The following NAV2 variants were observed in gnomAD, a reference collection of about 807,000 sequenced individuals.
NAV2 encodes helicase, APC down-regulated 1.
Under a neutral mutation model 223.2 loss-of-function variants are expected in NAV2, and 54 were observed. That is an observed-to-expected ratio of 0.24 (90% CI 0.19 to 0.30). The LOEUF is 0.30. Ranked by LOEUF, NAV2 falls within the 10% of genes least tolerant of loss-of-function variation. The probability of loss-of-function intolerance (pLI) is 1.00; values close to 1 mark genes in which losing one functional copy is unlikely to be tolerated. For synonymous variants in NAV2, 1,279 were observed against 1,239.3 expected (o/e 1.03, Z -0.67); for missense variants, 2,806 against 3,147.5 (o/e 0.89, Z 2.60).
At chr11:19,561,236 C>A (rs951103828) in intron 1 of NAV2, among the ~76,000 whole-genome samples, 1 of 152,194 alleles carries the variant, frequency 6.6e-6, no homozygotes, top group Non-Finnish European at 1.5e-5. Context: ...ATGACTAATT[C>A]TGTTCACATG....
At chr11:19,580,076 T>C (rs1196454346) in intron 1 of NAV2, among the ~76,000 whole-genome samples, 2 of 152,182 alleles carry the variant, frequency 1.3e-5, no homozygotes, top group African/African-American at 4.8e-5. Flanking sequence ...GCTCTATGAA[T>C]GGGATATATT....
At position 20,118,304 on chromosome 11, in the gene NAV2, C is replaced by T; in HGVS notation, c.*46C>T. 1 of 1,603,810 alleles carries T rather than the reference C, an allele frequency of 6.2e-7. No homozygotes were observed. Among genetic ancestry groups the T allele is most frequent in the Non-Finnish European group, 8.5e-7 (1 of 1,175,334 alleles). On this transcript the variant is annotated 3_prime_UTR_variant, in exon 38 of 38. Transcript: ENST00000349880. ...CCCTCCTCTTCTCCTCACCGCATTC[C>T]ACCTGCATCCCCCACATCACCCTGA...
intron 1 of NAV2, among the ~76,000 whole-genome samples, chr11:19,773,168 C>A (rs2055858272): frequency 6.6e-6 from 1 of 152,174 alleles, no homozygotes; most frequent in Non-Finnish European, 1.5e-5. Context: ...AGATATTTAT[C>A]ATGTGGCTGC....
At chr11:19,908,780 G>A (rs1021609098) in intron 6 of NAV2, among the ~76,000 whole-genome samples, 1 of 151,972 alleles carries the variant, frequency 6.6e-6, no homozygotes, top group Non-Finnish European at 1.5e-5. Flanking sequence ...GCCAAATATT[G>A]TATGATTCCG....
intron 1 of NAV2, among the ~76,000 whole-genome samples, chr11:19,589,468 G>A (rs1199164364): frequency 6.6e-6 from 1 of 152,192 alleles, no homozygotes; most frequent in Non-Finnish European, 1.5e-5. Context: ...GGTCAGGAAG[G>A]TCAGGGCCCT....
chr11:19,443,873 A>G lies in NAV2; in HGVS notation c.75+92846A>G, dbSNP rs187783641. Among the ~76,000 whole-genome samples the G allele has an allele frequency of 2.6e-5, 4 of 152,358 alleles. No homozygotes were observed. In the East Asian group the frequency reaches 5.8e-4, roughly 22 times the overall value. On this transcript the variant is annotated intron_variant, in intron 1 of 37. Coordinates refer to the NAV2 transcript ENST00000360655. The stretch of plus-strand genomic sequence containing the variant: ...GTATCAAGTACTTAGCACAGAGCCT[A>G]GTATAGATGCGTAGTGAGTGTTCAA...
At chr11:19,618,477 T>G (rs11025199) in intron 1 of NAV2, among the ~76,000 whole-genome samples, 142,166 of 148,476 alleles carry the variant, frequency 0.96, 68,130 homozygotes, top group Middle Eastern at 1. Context: ...TGAATGGCTA[T>G]ATGGCTGTCT....
At chr11:19,495,657 C>T (rs1177135110) in intron 1 of NAV2, among the ~76,000 whole-genome samples, 4 of 152,048 alleles carry the variant, frequency 2.6e-5, no homozygotes, top group African/African-American at 9.7e-5. Context: ...TATATCTGCT[C>T]TTATAAAGCC....
intron 1 of NAV2, among the ~76,000 whole-genome samples, chr11:19,418,697 C>A (rs899838441): frequency 6.6e-6 from 1 of 152,136 alleles, no homozygotes; most frequent in Non-Finnish European, 1.5e-5. Flanking sequence ...GCAGCCAGAT[C>A]ATAGAAGGTT....
rs568573638 is a variant in NAV2 at position 19,808,370 on chromosome 11, C to A, written c.268-24114C>A. Among the ~76,000 whole-genome samples the A allele has an allele frequency of 9.2e-5, 14 of 152,298 alleles. No individual in the cohort carries two copies. The East Asian group carries it at 2.5e-3, about 27-fold the overall frequency. On this transcript the variant is annotated intron_variant, in intron 1 of 37. Transcript: ENST00000349880. ...CACCAAGGAAAGGTCCCATTGAGAA[C>A]TGAGCACAAAAGCGGGGTCACAAGA...
Position 20,107,695 on chromosome 11 carries a change from T to C in NAV2, c.6873T>C (p.Asp2291=). 1.2e-6 allele frequency: 2 copies of C among 1,614,172 alleles called. No individual in the cohort carries two copies. Among genetic ancestry groups the C allele is most frequent in the African/African-American group, 1.3e-5 (1 of 75,048 alleles). The change falls in exon 36 of 38, where the codon GAT becomes GAC. Residue 2291 remains aspartate, a synonymous_variant. Coordinates refer to ENST00000349880, the MANE Select transcript of NAV2 (RefSeq NM_145117.5). The part of the protein sequence containing the change: ...GPRLFLSCPI[D]VDGSRVWFTD... ...GGCTCTTCCTGTCATGCCCCATCGA[T>C]GTGGACGGCTCGAGAGTGTGGTTCA...
chr11:19,478,339 C>T (rs1354968864), intron 1 of NAV2, among the ~76,000 whole-genome samples: 1 of 151,998 alleles, frequency 6.6e-6, no homozygotes, highest in Non-Finnish European at 1.5e-5. Flanking sequence ...AGACCCGGAG[C>T]CCGGTGCCTG....
At chr11:19,691,114 T>C (rs2049161996) in intron 1 of NAV2, among the ~76,000 whole-genome samples, 1 of 152,174 alleles carries the variant, frequency 6.6e-6, no homozygotes, top group Non-Finnish European at 1.5e-5. Flanking sequence ...GAATCTGCAT[T>C]CTTGACAAAC....
intron 29 of NAV2, among the ~76,000 whole-genome samples, chr11:20,094,195 G>C (rs1486018956): frequency 2.6e-5 from 4 of 151,394 alleles, no homozygotes; most frequent in Admixed American, 2.6e-4. Context: ...ACTGTTAGGG[G>C]AAACTCGTTC....
Position 20,121,034 on chromosome 11 carries a change from T to C in NAV2, c.*2776T>C, listed in dbSNP as rs1380196215. 1 of 152,408 alleles carries C rather than the reference T, an allele frequency of 6.6e-6. No individual in the cohort carries two copies. Among genetic ancestry groups the C allele is most frequent in the African/African-American group, 2.4e-5 (1 of 41,444 alleles). The allele number at this position is 152,408 out of a possible 1,614,324, so 9.4% of individuals were successfully genotyped here. On this transcript the variant is annotated 3_prime_UTR_variant, in exon 38 of 38. Coordinates refer to ENST00000349880, the MANE Select transcript of NAV2 (RefSeq NM_145117.5). ...CCATAATTGAAATGGGAATACCTTT[T>C]AAGTTTCATTAGGGGTGGGGTGGGA...
intron 6 of NAV2, among the ~76,000 whole-genome samples, chr11:19,917,800 C>T (rs529473701): frequency 6.6e-6 from 1 of 152,298 alleles, no homozygotes; most frequent in South Asian, 2.1e-4. Context: ...TTAGTAGACA[C>T]AGGGTTTCGC....
At chr11:19,523,379 C>A (rs1290173829) in intron 1 of NAV2, among the ~76,000 whole-genome samples, 3 of 152,214 alleles carry the variant, frequency 2.0e-5, no homozygotes, top group Admixed American at 6.5e-5. Context: ...CCCTCCTGTT[C>A]CACTTCCCAG....
At chr11:19,920,648 C>T (rs1423137095) in intron 6 of NAV2, among the ~76,000 whole-genome samples, 1 of 152,116 alleles carries the variant, frequency 6.6e-6, no homozygotes, top group Non-Finnish European at 1.5e-5. Flanking sequence ...TCAAAAAGTA[C>T]TAGTTATTAG....
At chr11:19,621,583 T>C (rs545989266) in intron 1 of NAV2, among the ~76,000 whole-genome samples, 4 of 152,376 alleles carry the variant, frequency 2.6e-5, no homozygotes, top group Admixed American at 2.0e-4. Flanking sequence ...TTTGTATTTC[T>C]GTGGGATCGG....
Sources: allele counts gnomAD v4.1 joint callset (sites outside exome capture counted in the v4.1 genomes callset), GRCh38; gene constraint gnomAD v4.1.1; transcripts MANE v1.5; gene names NCBI Gene and HGNC (gene_info 2026-07-23, HGNC 2026-07-21).